NCKAP1: variants seen among roughly 807,000 people sequenced by gnomAD.
The protein encoded by NCKAP1 is nck-associated protein 1.
Under a neutral mutation model 151.2 loss-of-function variants are expected in NCKAP1, and 21 were observed. That is an observed-to-expected ratio of 0.14 (90% CI 0.10 to 0.20). The LOEUF is 0.20. NCKAP1 is among the 10% of genes least tolerant of loss of function. The pLI is 1.00. For missense variants in NCKAP1, 933 were observed against 1,352.1 expected, an observed-to-expected ratio of 0.69 and a Z score of 4.86; for synonymous variants, 484 against 451.8, an observed-to-expected ratio of 1.07 and a Z score of -0.90.
In NCKAP1 at chr2:183,001,716, C is replaced by T. The variant is rs555160963; in HGVS notation, c.603+237G>A. Among the ~76,000 whole-genome samples the T allele has an allele frequency of 5.9e-5, 9 of 152,182 alleles. No individual in the cohort carries two copies. The South Asian group carries it at 1.9e-3, about 31-fold the overall frequency. On this transcript the variant is annotated intron_variant, in intron 6 of 30. Transcript: ENST00000361354. The stretch of plus-strand genomic sequence containing the variant: ...ATATGGTAAATCCTATTGTTTAGTG[C>T]TATATTAAAATCTAAAAAACTATAA...
At chr2:182,931,345 A>G (rs530676325) in intron 26 of NCKAP1, among the ~76,000 whole-genome samples, 5 of 152,234 alleles carry the variant, frequency 3.3e-5, no homozygotes, top group African/African-American at 9.6e-5. Flanking sequence ...TGACTGCTCA[A>G]TAACCTCAGA....
chr2:182,977,048 T>C, intron 14 of NCKAP1, 97 bp from the exon 15 acceptor site: 1 of 715,264 alleles, frequency 1.4e-6, no homozygotes, highest in African/African-American at 1.9e-5. Context: ...ACAATTCTAC[T>C]TCTGAGTATA....
At chr2:183,003,449 ACGGCTTTT>A (rs1698410160) in intron 2 of NCKAP1, 124 bp from the exon 3 acceptor site, 1 of 643,144 alleles carries the variant, frequency 1.6e-6, no homozygotes, top group Non-Finnish European at 2.6e-6. Flanking sequence ...CTAGATGATT[ACGGCTTTT>A]TAAAAAACCA....
At chr2:182,953,353 A>G (rs746542103) in intron 20 of NCKAP1, 22 bp from the exon 21 acceptor site, 10 of 1,547,594 alleles carry the variant, frequency 6.5e-6, no homozygotes, top group Middle Eastern at 1.7e-4. Context: ...GGATAGAAGA[A>G]TAAGAAAAGC....
Position 182,976,941 on chromosome 2 carries a change from C to G in NCKAP1, c.1434G>C (p.Gly478=). 1 of 1,539,392 alleles carries G rather than the reference C, an allele frequency of 6.5e-7. No individual in the cohort carries two copies. Among genetic ancestry groups the G allele is most frequent in the Non-Finnish European group, 8.8e-7 (1 of 1,139,258 alleles). Residue 478 remains glycine (G), a synonymous_variant, in exon 15 of 31, where the codon GGG becomes GGC. Coordinates refer to ENST00000361354, the MANE Select transcript of NCKAP1 (RefSeq NM_013436.5). ...TCATTCCTCTGAAATCAAATACTTC[C>G]CCATCTTCAACTGTAGTAATAGAAA... ...TSLSVKQVED[G]EVFDFRGMRL... is the part of the protein sequence containing the mutation.
At chr2:182,980,969 T>G (rs1466286956) in intron 13 of NCKAP1, among the ~76,000 whole-genome samples, 1 of 152,198 alleles carries the variant, frequency 6.6e-6, no homozygotes, top group Non-Finnish European at 1.5e-5. Context: ...CAAGGCCCTC[T>G]GTAATTTGGT....
Position 182,917,622 on chromosome 2 carries a change from G to A in NCKAP1, c.*8080C>T, listed in dbSNP as rs768909392. The A allele has an allele frequency of 5.3e-5, 8 of 152,268 alleles. No homozygotes were observed. The highest frequency in any genetic ancestry group is 2.0e-4 in the Admixed American group (3 of 15,296). The allele number at this position is 152,268 out of a possible 1,614,324, so 9.4% of individuals were successfully genotyped here. A position where few individuals can be genotyped will look rare whatever the true frequency, so the allele number is the denominator to read the frequency against. On this transcript the variant is annotated 3_prime_UTR_variant, in exon 31 of 31. Coordinates refer to ENST00000361354, the MANE Select transcript of NCKAP1 (RefSeq NM_013436.5). ...TTAATCCATCAATCACATTTAGAGA[G>A]CTCTTGGCACGAACTTTAATATTAG...
intron 18 of NCKAP1, among the ~76,000 whole-genome samples, chr2:182,958,857 T>G (rs1697379579): frequency 6.6e-6 from 1 of 152,214 alleles, no homozygotes; most frequent in Non-Finnish European, 1.5e-5. Context: ...ACATGTGAAA[T>G]GTGCCCAGTC....
At chr2:182,942,314 T>A in intron 23 of NCKAP1, 151 bp from the exon 24 acceptor site, 1 of 529,396 alleles carries the variant, frequency 1.9e-6, no homozygotes, top group Non-Finnish European at 3.3e-6. Context: ...GTTGTTTCAA[T>A]AAAAGCATCT....
chr2:182,970,795 C>T (rs1697671160), intron 15 of NCKAP1, among the ~76,000 whole-genome samples: 1 of 152,070 alleles, frequency 6.6e-6, no homozygotes, highest in African/African-American at 2.4e-5. Context: ...AAATAAAAGG[C>T]ATGCAAACTT....
At chr2:183,002,848 C>A in intron 4 of NCKAP1, 126 bp downstream of exon 4, 1 of 620,422 alleles carries the variant, frequency 1.6e-6, no homozygotes, top group South Asian at 2.7e-5. Context: ...AGCTATAAAA[C>A]AAGCCAAATT....
At chr2:182,993,394 A>G (rs997367965) in intron 8 of NCKAP1, among the ~76,000 whole-genome samples, 4 of 152,198 alleles carry the variant, frequency 2.6e-5, no homozygotes, top group Non-Finnish European at 5.9e-5. Flanking sequence ...TAATAAATCA[A>G]GAACAAAACC....
chr2:182,949,014 G>C (rs553733193), intron 23 of NCKAP1, among the ~76,000 whole-genome samples: 1 of 152,158 alleles, frequency 6.6e-6, no homozygotes. Flanking sequence ...TATTCCACAC[G>C]AGGAAGAGAA....
At chr2:182,941,672 C>T (rs955600604) in intron 24 of NCKAP1, among the ~76,000 whole-genome samples, 6 of 152,066 alleles carry the variant, frequency 3.9e-5, no homozygotes, top group Non-Finnish European at 5.9e-5. Context: ...TCCAAAATAC[C>T]GTTTGCTTAA....
intron 24 of NCKAP1, among the ~76,000 whole-genome samples, chr2:182,937,757 A>C (rs1191314579): frequency 6.6e-6 from 1 of 152,228 alleles, no homozygotes; most frequent in East Asian, 1.9e-4. Context: ...TCTATAAGAC[A>C]TAGCTACTGC....
rs1696576272 is a variant in NCKAP1 at position 182,922,990 on chromosome 2, GCAA to G, written c.*2709_*2711del. ...GATCAGGCCATTGCCCATTTCCTGG[GCAA>G]CAAGAGTGAAACTCCGTCTCAAGAA... On this transcript the variant is annotated 3_prime_UTR_variant, in exon 31 of 31. Transcript: ENST00000361354. 1 of 152,160 alleles carries G rather than the reference GCAA, an allele frequency of 6.6e-6. No homozygotes were observed. Among genetic ancestry groups the G allele is most frequent in the Non-Finnish European group, 1.5e-5 (1 of 68,048 alleles). The allele number at this position is 152,160 out of a possible 1,614,324, so 9.4% of individuals were successfully genotyped here.
chr2:182,936,823 G>A (rs1696884646), intron 24 of NCKAP1, among the ~76,000 whole-genome samples: 1 of 152,140 alleles, frequency 6.6e-6, no homozygotes, highest in African/African-American at 2.4e-5. Flanking sequence ...CTGATACCCA[G>A]ATGACCAGTA....
chr2:182,978,507 C>T (rs1697871266), intron 14 of NCKAP1, among the ~76,000 whole-genome samples: 1 of 152,086 alleles, frequency 6.6e-6, no homozygotes, highest in East Asian at 1.9e-4. Flanking sequence ...AAGTGCCTGG[C>T]ACAGACTAAA....
At chr2:182,983,066 A>G in intron 11 of NCKAP1, 139 bp from the exon 12 acceptor site, 1 of 720,382 alleles carries the variant, frequency 1.4e-6, no homozygotes, top group Non-Finnish European at 2.3e-6. Context: ...AAGAGGACAC[A>G]AGAGAACCTG....
Sources: gnomAD v4.1 joint callset for allele counts (sites outside exome capture counted in the v4.1 genomes callset) on GRCh38, gnomAD v4.1.1 for gene constraint, MANE v1.5 for transcripts, NCBI Gene and HGNC (gene_info 2026-07-23, HGNC 2026-07-21) for gene names.